The following ANK3 variants were observed in gnomAD, a reference collection of about 807,000 sequenced individuals.
ANK3 encodes ankyrin-3.
Under a neutral mutation model 370.9 loss-of-function variants are expected in ANK3, and 57 were observed. That is an observed-to-expected ratio of 0.15 (90% confidence interval 0.12 to 0.19). The LOEUF (loss-of-function observed/expected upper bound fraction) is 0.19, where lower values mean the gene tolerates loss of function less well. ANK3 is among the 10% of genes least tolerant of loss of function. The pLI is 1.00. For missense variants in ANK3, 4,439 were observed against 5,302.1 expected, an observed-to-expected ratio of 0.84 and a Z score of 5.06; for synonymous variants, 1,929 against 1,946.3, an observed-to-expected ratio of 0.99 and a Z score of 0.23.
At chr10:60,372,888 G>A (rs368086657) in intron 1 of ANK3, among the ~76,000 whole-genome samples, 1 of 152,164 alleles carries the variant, frequency 6.6e-6, no homozygotes, top group Non-Finnish European at 1.5e-5. Flanking sequence ...CTAATGAAGT[G>A]ACTGAATCAT....
In ANK3 at chr10:60,715,215, ATGTGTG is replaced by A. The variant is rs5785463; in HGVS notation, c.57+18042_57+18047del. ...CTATTATATATATTTACATATACAA[ATGTGTG>A]TGTGTGTGTGTGTGTGTGTGTGTGT... On this transcript the variant is annotated intron_variant, in intron 1 of 43. Transcript: ENST00000373827. Among the ~76,000 whole-genome samples the A allele has an allele frequency of 2.6e-3, 380 of 147,296 alleles. 2 individuals carry two copies. Among genetic ancestry groups the A allele is most frequent in the African/African-American group, 8.8e-3 (352 of 39,818 alleles).
At position 60,072,102 on chromosome 10, in the gene ANK3, T is replaced by C. The variant is rs776444593; in HGVS notation, c.8779A>G (p.Lys2927Glu). Residue 2927 changes from lysine (K) to glutamate (E), a missense_variant, in exon 37 of 44, where the codon AAA (lysine) becomes GAA (glutamate). Around this residue, in one of 13 missense-constraint regions of ANK3, gnomAD observed 1,601 missense variants for 1,731.7 expected, o/e 0.92. Coordinates refer to ENST00000280772, the MANE Select transcript of ANK3 (RefSeq NM_020987.5). ...ACAACATATTCCCTATATAAGACTT[T>C]TTTGGAGGGAGATTTTACAGTCATT... is the stretch of plus-strand genomic sequence containing the variant. ...KEMTVKSPSK[K>E]VLYREYVVKE... 1 of 1,613,834 alleles carries C rather than the reference T, an allele frequency of 6.2e-7. No individual in the cohort carries two copies. Among genetic ancestry groups the C allele is most frequent in the African/African-American group, 1.3e-5 (1 of 74,904 alleles).
At chr10:60,151,208 T>C (rs935142340) in intron 23 of ANK3, among the ~76,000 whole-genome samples, 1 of 152,192 alleles carries the variant, frequency 6.6e-6, no homozygotes, top group African/African-American at 2.4e-5. Context: ...TTTTCACATA[T>C]GTCATTATAT....
At chr10:60,087,605 A>G (rs1000314056) in intron 29 of ANK3, among the ~76,000 whole-genome samples, 2 of 152,262 alleles carry the variant, frequency 1.3e-5, no homozygotes, top group Non-Finnish European at 2.9e-5. Context: ...CAATATTAAT[A>G]ACATCTATTA....
At chr10:60,721,712 G>A (rs2079865947) in intron 1 of ANK3, among the ~76,000 whole-genome samples, 3 of 152,114 alleles carry the variant, frequency 2.0e-5, no homozygotes, top group Admixed American at 6.5e-5. Context: ...GATAAAAGCT[G>A]CTTCAAGAAT....
intron 1 of ANK3, among the ~76,000 whole-genome samples, chr10:60,618,503 T>C (rs1369960789): frequency 6.6e-6 from 1 of 152,148 alleles, no homozygotes; most frequent in Non-Finnish European, 1.5e-5. Context: ...AAAACTCTCA[T>C]AGCTTTGGCC....
intron 7 of ANK3, among the ~76,000 whole-genome samples, chr10:60,245,123 T>G (rs777371264): frequency 6.6e-6 from 1 of 151,964 alleles, no homozygotes; most frequent in African/African-American, 2.4e-5. Flanking sequence ...GAGCCGAGAT[T>G]GCGCCACTGC....
At chr10:60,133,704 T>G (rs777910372) in intron 25 of ANK3, among the ~76,000 whole-genome samples, 1 of 152,140 alleles carries the variant, frequency 6.6e-6, no homozygotes, top group African/African-American at 2.4e-5. Flanking sequence ...GTGTATCACT[T>G]AAGGTCAGGA....
chr10:60,046,011 C>T (rs909267801), intron 42 of ANK3, among the ~76,000 whole-genome samples: 1 of 151,650 alleles, frequency 6.6e-6, no homozygotes, highest in Non-Finnish European at 1.5e-5. Context: ...CTTGTTTTTC[C>T]TCACTGTGGT....
At chr10:60,685,491 T>C (rs1160813158) in intron 1 of ANK3, among the ~76,000 whole-genome samples, 1 of 152,208 alleles carries the variant, frequency 6.6e-6, no homozygotes, top group Non-Finnish European at 1.5e-5. Flanking sequence ...TTTTAAATCA[T>C]TTAGATTTAC....
chr10:60,180,092 G>A (rs1426343990), intron 18 of ANK3, among the ~76,000 whole-genome samples: 1 of 152,122 alleles, frequency 6.6e-6, no homozygotes, highest in Non-Finnish European at 1.5e-5. Context: ...ATTTCCCGAT[G>A]AAAGTATTCA....
At chr10:60,213,654 TC>T (rs1271908286) in intron 8 of ANK3, 144 bp from the exon 9 acceptor site, 1 of 448,726 alleles carries the variant, frequency 2.2e-6, no homozygotes, top group Admixed American at 4.3e-5. Flanking sequence ...ATAAAATAAT[TC>T]CTTATTTTAG....
intron 1 of ANK3, among the ~76,000 whole-genome samples, chr10:60,358,899 T>C (rs2058189055): frequency 6.6e-6 from 1 of 152,098 alleles, no homozygotes; most frequent in African/African-American, 2.4e-5. Context: ...TCAAATGTCA[T>C]CTCTTCTGAG....
At chr10:60,291,006 G>T (rs1409000172) in intron 1 of ANK3, among the ~76,000 whole-genome samples, 2 of 152,088 alleles carry the variant, frequency 1.3e-5, no homozygotes, top group South Asian at 4.1e-4. Context: ...AATTCAGGCC[G>T]TGGGGGTATT....
At chr10:60,614,383 T>C (rs2078240604) in intron 2 of ANK3, among the ~76,000 whole-genome samples, 2 of 152,230 alleles carry the variant, frequency 1.3e-5, no homozygotes, top group South Asian at 4.1e-4. Flanking sequence ...CAATAAATTC[T>C]CACAATAAAC....
intron 1 of ANK3, among the ~76,000 whole-genome samples, chr10:60,343,839 C>T (rs571225132): frequency 9.2e-5 from 14 of 152,294 alleles, no homozygotes; most frequent in Admixed American, 2.6e-4. Context: ...TGGACCCACC[C>T]GAGCATTCCT....
At chr10:60,185,837 GT>G in intron 17 of ANK3, among the ~76,000 whole-genome samples, 1 of 152,140 alleles carries the variant, frequency 6.6e-6, no homozygotes, top group East Asian at 1.9e-4. Context: ...TCATTAACAA[GT>G]TTCTGGTTAA....
chr10:60,234,883 C>G (rs1420971894), intron 7 of ANK3, 97 bp from the exon 8 acceptor site: 1 of 735,650 alleles, frequency 1.4e-6, no homozygotes, highest in Admixed American at 2.1e-5. Context: ...TTCCCCCTCT[C>G]CTTTTCTAAA....
At chr10:60,173,055 A>T (rs772403074) in intron 19 of ANK3, 33 bp downstream of exon 19, 70 of 1,609,200 alleles carry the variant, frequency 4.3e-5, no homozygotes, top group Non-Finnish European at 4.9e-5. Context: ...AAAATAAATG[A>T]TTCTGGCAGA....
Sources: gnomAD v4.1 joint callset for allele counts (sites outside exome capture counted in the v4.1 genomes callset) on GRCh38, gnomAD v4.1.1 for gene constraint, gnomAD v4.1.1 regional missense constraint, MANE v1.5 for transcripts, NCBI Gene and HGNC (gene_info 2026-07-23, HGNC 2026-07-21) for gene names.